ADAMTSL1: variants seen among roughly 807,000 people sequenced by gnomAD.
The protein encoded by ADAMTSL1 is ADAMTS like 1.
A neutral mutation model predicts 201.8 loss-of-function variants in ADAMTSL1; 126 were observed. The ratio of observed to expected loss-of-function variants is 0.62; its 90% CI spans 0.54 to 0.72. ADAMTSL1 has a LOEUF of 0.72. Among genes scored for constraint, ADAMTSL1 ranks in the 30% least tolerant of loss-of-function variants. ADAMTSL1 has a pLI of 0.00. For synonymous variants in ADAMTSL1, 1,121 were observed against 903.4 expected, an observed-to-expected ratio of 1.24 and a Z score of -4.32; for missense variants, 2,679 against 2,277.8, an observed-to-expected ratio of 1.18 and a Z score of -3.59.
chr9:18,868,737 G>C (rs1479468614), intron 23 of ADAMTSL1, among the ~76,000 whole-genome samples: 1 of 152,212 alleles, frequency 6.6e-6, no homozygotes, highest in Non-Finnish European at 1.5e-5. Context: ...AATTTATGCA[G>C]ATTTTGGGAG....
chr9:18,385,353 G>A (rs747815182), intron 2 of ADAMTSL1, among the ~76,000 whole-genome samples: 80 of 152,060 alleles, frequency 5.3e-4, no homozygotes, highest in Non-Finnish European at 1.0e-3. Flanking sequence ...TTTGAGGGTA[G>A]GGGTGGTGTT....
At position 18,205,356 on chromosome 9, in the gene ADAMTSL1, A is replaced by T. The variant is rs567585839; in HGVS notation, c.207+41375A>T. ...TGAAAATACACAATAACATCTTAGG[A>T]TATGATTTTATAATTCCCAGAATTT... is the stretch of plus-strand genomic sequence containing the variant. On this transcript the variant is annotated intron_variant, in intron 2 of 29. Coordinates refer to the ADAMTSL1 transcript ENST00000680146. Among the ~76,000 whole-genome samples, 9 of 152,294 alleles carry T rather than the reference A, an allele frequency of 5.9e-5. No individual in the cohort carries two copies. In the East Asian group the frequency reaches 1.4e-3, roughly 23 times the overall value.
At position 18,763,501 on chromosome 9, in the gene ADAMTSL1, G is replaced by C. The variant is rs373341773; in HGVS notation, c.2218-7101G>C. Reference sequence around the variant, plus strand: ...GTGCTGTGCAGAAGCTTTTTAACTTGTGATTCCATTTGTTCATATTTGCCT... The same window carrying C: ...GTGCTGTGCAGAAGCTTTTTAACTTCTGATTCCATTTGTTCATATTTGCCT... On this transcript the variant is annotated intron_variant, in intron 16 of 28. Transcript: ENST00000380548. Among the ~76,000 whole-genome samples the C allele has an allele frequency of 5.3e-5, 8 of 152,166 alleles. No individual in the cohort carries two copies. The South Asian group carries it at 8.3e-4, about 16-fold the overall frequency.
intron 1 of ADAMTSL1, among the ~76,000 whole-genome samples, chr9:18,490,918 A>G (rs1167855415): frequency 6.6e-6 from 1 of 152,206 alleles, no homozygotes; most frequent in Non-Finnish European, 1.5e-5. Flanking sequence ...TTAGCCTTTC[A>G]AGAAGTTTAG....
At chr9:18,352,672 T>C (rs1177874793) in intron 2 of ADAMTSL1, among the ~76,000 whole-genome samples, 1 of 152,240 alleles carries the variant, frequency 6.6e-6, no homozygotes, top group South Asian at 2.1e-4. Flanking sequence ...ATGTACGCCA[T>C]GTGATTCCAT....
intron 2 of ADAMTSL1, among the ~76,000 whole-genome samples, chr9:18,349,961 T>C (rs1050059223): frequency 6.6e-6 from 1 of 151,894 alleles, no homozygotes; most frequent in African/African-American, 2.4e-5. Context: ...GTATTTTTCT[T>C]TGAGGTTAGA....
chr9:18,549,553 G>T (rs924099010), intron 3 of ADAMTSL1, among the ~76,000 whole-genome samples: 1 of 151,976 alleles, frequency 6.6e-6, no homozygotes, highest in African/African-American at 2.4e-5. Context: ...GTGTGTATAT[G>T]TATGTATGTA....
chr9:18,474,141 A>G (rs528666817), upstream of ADAMTSL1: 1 of 970,864 alleles, frequency 1.0e-6, no homozygotes, highest in East Asian at 3.7e-5. Flanking sequence ...GCAGGACTGG[A>G]GTGTTAGCAC....
chr9:18,178,046 C>T (rs1287363451), intron 2 of ADAMTSL1, among the ~76,000 whole-genome samples: 1 of 152,206 alleles, frequency 6.6e-6, no homozygotes, highest in East Asian at 1.9e-4. Context: ...ATAGGAACAG[C>T]TCCAGTCTAC....
At chr9:18,322,412 C>T (rs548194865) in intron 2 of ADAMTSL1, among the ~76,000 whole-genome samples, 35 of 152,214 alleles carry the variant, frequency 2.3e-4, no homozygotes, top group African/African-American at 8.2e-4. Context: ...GTGGGTGGCT[C>T]ATCTGAGGTC....
At chr9:18,339,548 A>G (rs1835386182) in intron 2 of ADAMTSL1, among the ~76,000 whole-genome samples, 1 of 152,184 alleles carries the variant, frequency 6.6e-6, no homozygotes, top group East Asian at 1.9e-4. Flanking sequence ...CAGTTTGGCA[A>G]TTTCTCAAAG....
chr9:18,809,051 TAAA>T (rs1823343071), intron 20 of ADAMTSL1, among the ~76,000 whole-genome samples: 1 of 152,110 alleles, frequency 6.6e-6, no homozygotes, highest in Admixed American at 6.5e-5. Flanking sequence ...GTGATAGAAA[TAAA>T]GAAGACAAGA....
intron 2 of ADAMTSL1, among the ~76,000 whole-genome samples, chr9:18,344,102 T>A (rs558323724): frequency 2.6e-5 from 4 of 152,132 alleles, no homozygotes; most frequent in Non-Finnish European, 5.9e-5. Flanking sequence ...GCAGTCCAGG[T>A]CTCACTTTCT....
intron 19 of ADAMTSL1, among the ~76,000 whole-genome samples, chr9:18,794,037 A>G (rs957588035): frequency 2.0e-5 from 3 of 152,110 alleles, no homozygotes; most frequent in Non-Finnish European, 2.9e-5. Flanking sequence ...TAAAAAAAAA[A>G]AAGTCTGAAG....
intron 15 of ADAMTSL1, among the ~76,000 whole-genome samples, chr9:18,739,961 C>G (rs1274546021): frequency 6.6e-6 from 1 of 151,192 alleles, no homozygotes; most frequent in Non-Finnish European, 1.5e-5. Context: ...ATTAATCACC[C>G]CTGCATCAAT....
intron 2 of ADAMTSL1, among the ~76,000 whole-genome samples, chr9:18,377,109 A>G (rs1003696348): frequency 1.3e-5 from 2 of 152,170 alleles, no homozygotes; most frequent in African/African-American, 4.8e-5. Flanking sequence ...ATAGACTGAG[A>G]AGAAGTTTGA....
At chr9:17,995,990 A>G (rs1819362763) in intron 1 of ADAMTSL1, among the ~76,000 whole-genome samples, 2 of 152,000 alleles carry the variant, frequency 1.3e-5, no homozygotes, top group South Asian at 2.1e-4. Context: ...TAAGCTCCTT[A>G]GAATCGTGTC....
chr9:18,735,748 C>CTTTTTTT (rs71333066), intron 15 of ADAMTSL1, among the ~76,000 whole-genome samples: 15 of 106,674 alleles, frequency 1.4e-4, no homozygotes, highest in Admixed American at 3.0e-4. Context: ...ATTCTTTTTT[C>CTTTTTTT]TTTTTTTTTT....
At chr9:18,572,796 A>T (rs975659389) in intron 3 of ADAMTSL1, among the ~76,000 whole-genome samples, 1 of 152,186 alleles carries the variant, frequency 6.6e-6, no homozygotes, top group South Asian at 2.1e-4. Flanking sequence ...ATATAAGAGA[A>T]CTCTCACAAT....
Sources: allele counts gnomAD v4.1 joint callset (sites outside exome capture counted in the v4.1 genomes callset), GRCh38; gene constraint gnomAD v4.1.1; transcripts MANE v1.5; gene names NCBI Gene and HGNC (gene_info 2026-07-23, HGNC 2026-07-21).